THRB: variants seen among roughly 807,000 people sequenced by gnomAD.
The protein encoded by THRB is thyroid hormone receptor beta.
A neutral mutation model predicts 47.8 loss-of-function variants in THRB; 12 were observed. The ratio of observed to expected loss-of-function variants is 0.25; its 90% confidence interval spans 0.16 to 0.41. The LOEUF (loss-of-function observed/expected upper bound fraction) is 0.41. Ranked by LOEUF, THRB falls within the 10% of genes least tolerant of loss-of-function variation. The pLI is 1.00. For missense variants in THRB, 348 were observed against 589.2 expected, an observed-to-expected ratio of 0.59 and a Z score of 4.24; for synonymous variants, 218 against 212.2, an observed-to-expected ratio of 1.03 and a Z score of -0.24.
At chr3:24,402,173 G>A (rs1351394301) in intron 1 of THRB, among the ~76,000 whole-genome samples, 2 of 152,060 alleles carry the variant, frequency 1.3e-5, no homozygotes, top group Non-Finnish European at 2.9e-5. Flanking sequence ...CACAAGGAGA[G>A]GCACCAGTAG....
At chr3:24,280,300 C>A (rs558617764) in intron 3 of THRB, among the ~76,000 whole-genome samples, 1 of 152,288 alleles carries the variant, frequency 6.6e-6, no homozygotes, top group Admixed American at 6.5e-5. Flanking sequence ...AGCAGCCTAA[C>A]TGGGAGGCAC....
At chr3:24,157,187 C>T (rs1428131791) in intron 5 of THRB, among the ~76,000 whole-genome samples, 1 of 152,058 alleles carries the variant, frequency 6.6e-6, no homozygotes, top group Non-Finnish European at 1.5e-5. Context: ...ACAATCTTTC[C>T]TCAGAACATC....
intron 4 of THRB, among the ~76,000 whole-genome samples, chr3:24,208,438 G>A (rs1296726526): frequency 6.6e-6 from 1 of 151,988 alleles, no homozygotes; most frequent in African/African-American, 2.4e-5. Context: ...ACGCTACCTG[G>A]CTTCAAACTA....
intron 3 of THRB, among the ~76,000 whole-genome samples, chr3:24,276,680 T>C (rs2053947029): frequency 6.6e-6 from 1 of 152,148 alleles, no homozygotes; most frequent in African/African-American, 2.4e-5. Flanking sequence ...CAGTGATGGA[T>C]ACGATTACAT....
intron 2 of THRB, among the ~76,000 whole-genome samples, chr3:24,315,128 T>C (rs996282578): frequency 6.6e-6 from 1 of 152,166 alleles, no homozygotes; most frequent in Non-Finnish European, 1.5e-5. Flanking sequence ...ACATTAGAAT[T>C]TTAAGAGAAG....
At chr3:24,358,057 G>A (rs1305634660) in intron 1 of THRB, among the ~76,000 whole-genome samples, 1 of 152,068 alleles carries the variant, frequency 6.6e-6, no homozygotes, top group African/African-American at 2.4e-5. Flanking sequence ...TATATCCTTA[G>A]CCCAGAGAAC....
intron 2 of THRB, among the ~76,000 whole-genome samples, chr3:24,331,918 C>T (rs1305354261): frequency 6.6e-6 from 1 of 152,108 alleles, no homozygotes; most frequent in Non-Finnish European, 1.5e-5. Flanking sequence ...AAGATCAGTC[C>T]CTTGAAAGCC....
chr3:24,233,257 G>T (rs1191303862), intron 3 of THRB, among the ~76,000 whole-genome samples: 4 of 152,026 alleles, frequency 2.6e-5, no homozygotes, highest in Admixed American at 1.3e-4. Flanking sequence ...GAAGGCCTTG[G>T]GTTCCATGCC....
intron 2 of THRB, among the ~76,000 whole-genome samples, chr3:24,300,381 C>T (rs1303560218): frequency 2.0e-5 from 3 of 152,178 alleles, no homozygotes; most frequent in Non-Finnish European, 4.4e-5. Flanking sequence ...AATCTCTATG[C>T]ATACAGTATA....
chr3:24,481,955 A>G (rs1038424855), intron 1 of THRB, among the ~76,000 whole-genome samples: 8 of 152,170 alleles, frequency 5.3e-5, no homozygotes, highest in African/African-American at 1.9e-4. Context: ...ATTAACTTGG[A>G]CAACTGACCA....
intron 4 of THRB, among the ~76,000 whole-genome samples, chr3:24,215,731 C>T (rs1257458997): frequency 6.6e-6 from 1 of 152,204 alleles, no homozygotes; most frequent in Non-Finnish European, 1.5e-5. Flanking sequence ...GAGACACGGC[C>T]ATGTGACTGA....
intron 4 of THRB, among the ~76,000 whole-genome samples, chr3:24,224,570 G>A (rs1274330065): frequency 6.6e-6 from 1 of 151,808 alleles, no homozygotes; most frequent in Non-Finnish European, 1.5e-5. Flanking sequence ...AAAACCTAAG[G>A]GACACCTGAA....
intron 1 of THRB, among the ~76,000 whole-genome samples, chr3:24,378,755 T>C (rs957717724): frequency 6.6e-6 from 1 of 152,150 alleles, no homozygotes; most frequent in Non-Finnish European, 1.5e-5. Context: ...TTATTTTCTA[T>C]TCATAAATAC....
chr3:24,215,811 T>A (rs1381255777), intron 4 of THRB, among the ~76,000 whole-genome samples: 1 of 152,226 alleles, frequency 6.6e-6, no homozygotes, highest in African/African-American at 2.4e-5. Context: ...ACACCTCTTA[T>A]GTGTTTTGTT....
intron 3 of THRB, among the ~76,000 whole-genome samples, chr3:24,253,849 G>C (rs889048405): frequency 3.9e-5 from 6 of 151,926 alleles, no homozygotes; most frequent in African/African-American, 1.5e-4. Flanking sequence ...AAACACAGCA[G>C]AACTTGTAAG....
intron 1 of THRB, among the ~76,000 whole-genome samples, chr3:24,403,233 T>C (rs1351280020): frequency 1.3e-5 from 2 of 151,980 alleles, no homozygotes; most frequent in African/African-American, 2.4e-5. Flanking sequence ...TGTGGATCTT[T>C]ACATACATAG....
chr3:24,128,863 C>CTTTTTTTTTTTTTTTTTTTTTTT, intron 9 of THRB, among the ~76,000 whole-genome samples: 1 of 87,060 alleles, frequency 1.1e-5, no homozygotes, highest in Non-Finnish European at 2.4e-5. Flanking sequence ...AAACATAACT[C>CTTTTTTTTTTTTTTTTTTTTTTT]TTTTTTTTTT....
chr3:24,182,280 A>G (rs2042006370), intron 5 of THRB, among the ~76,000 whole-genome samples: 1 of 152,200 alleles, frequency 6.6e-6, no homozygotes, highest in South Asian at 2.1e-4. Flanking sequence ...ATAAGCATTC[A>G]GGGCAACTTG....
intron 5 of THRB, among the ~76,000 whole-genome samples, chr3:24,189,468 G>A (rs1057271509): frequency 6.6e-6 from 1 of 152,164 alleles, no homozygotes; most frequent in Non-Finnish European, 1.5e-5. Context: ...GAGGCGACCT[G>A]AGGTAAAGAA....
Sources: gnomAD v4.1 joint callset for allele counts (sites outside exome capture counted in the v4.1 genomes callset) on GRCh38, gnomAD v4.1.1 for gene constraint, MANE v1.5 for transcripts, NCBI Gene and HGNC (gene_info 2026-07-23, HGNC 2026-07-21) for gene names.